The following PKHD1 variants were observed in gnomAD, a reference collection of about 807,000 sequenced individuals.
PKHD1 encodes fibrocystin.
Under a neutral mutation model 412.0 loss-of-function variants are expected in PKHD1, and 291 were observed. That is an observed-to-expected ratio of 0.71 (90% CI 0.64 to 0.78). The LOEUF is 0.78. PKHD1 is among the 30% of genes least tolerant of loss of function. The pLI is 0.00. For missense variants in PKHD1, 4,825 were observed against 4,950.7 expected, an observed-to-expected ratio of 0.97 and a Z score of 0.76; for synonymous variants, 1,777 against 1,821.5, an observed-to-expected ratio of 0.98 and a Z score of 0.62.
chr6:51,807,456 AAAATATATAT>A (rs1763970099), intron 52 of PKHD1, among the ~76,000 whole-genome samples: 1 of 47,182 alleles, frequency 2.1e-5, no homozygotes, highest in African/African-American at 7.4e-5. Flanking sequence ...AAAAAAAAAA[AAAATATATAT>A]ATATATATAT....
chr6:51,692,879 A>G (rs1778346348), intron 60 of PKHD1, among the ~76,000 whole-genome samples: 2 of 152,152 alleles, frequency 1.3e-5, no homozygotes, highest in Admixed American at 6.6e-5. Flanking sequence ...TAATGTTATT[A>G]GAGGCCTTTA....
chr6:51,665,095 C>T (rs914870108), intron 60 of PKHD1, among the ~76,000 whole-genome samples: 7 of 152,062 alleles, frequency 4.6e-5, no homozygotes, highest in East Asian at 1.9e-4. Context: ...AAACATACAA[C>T]GAACAAGATA....
chr6:51,824,990 G>T (rs1222619024), intron 52 of PKHD1, among the ~76,000 whole-genome samples: 2 of 152,110 alleles, frequency 1.3e-5, no homozygotes, highest in African/African-American at 2.4e-5. Flanking sequence ...ATAAAATAAA[G>T]AAACTAAAAC....
At chr6:52,026,276 G>A (rs1330177840) in intron 31 of PKHD1, 95 bp from the exon 32 acceptor site, 1 of 1,175,176 alleles carries the variant, frequency 8.5e-7, no homozygotes, top group Non-Finnish European at 1.3e-6. Flanking sequence ...TTAAGTGGAA[G>A]GTAGGGCATG....
At chr6:52,045,542 C>T (rs552050758) in intron 24 of PKHD1, among the ~76,000 whole-genome samples, 1 of 152,286 alleles carries the variant, frequency 6.6e-6, no homozygotes, top group South Asian at 2.1e-4. Context: ...TCTTGGGCTT[C>T]ATTTTATAAT....
chr6:51,905,449 G>A (rs1417219998), intron 41 of PKHD1, among the ~76,000 whole-genome samples: 1 of 152,168 alleles, frequency 6.6e-6, no homozygotes, highest in African/African-American at 2.4e-5. Flanking sequence ...AGAGAATGTT[G>A]CAAGAGAAGA....
chr6:51,721,594 T>C (rs1781933209), intron 60 of PKHD1: 1 of 1,042,318 alleles, frequency 9.6e-7, no homozygotes, highest in Non-Finnish European at 1.2e-6. Context: ...TCCTCTCTCA[T>C]ATAGTGGGTA....
intron 60 of PKHD1, among the ~76,000 whole-genome samples, chr6:51,692,856 A>G (rs1778343889): frequency 6.6e-6 from 1 of 152,162 alleles, no homozygotes; most frequent in East Asian, 1.9e-4. Context: ...CACTCTGTCA[A>G]CACTATTCTC....
Position 51,615,707 on chromosome 6 carries a change from A to G in PKHD1, c.*3374T>C, listed in dbSNP as rs1766005733. On this transcript the variant is annotated 3_prime_UTR_variant, in exon 67 of 67. Transcript: ENST00000371117. ...TTTGCAGGCATTTCAATGTATAGTA[A>G]TTTCATATATTTGGAGTAAGACTGA... 1 of 152,190 alleles carries G rather than the reference A, an allele frequency of 6.6e-6. No individual in the cohort carries two copies. Among genetic ancestry groups the G allele is most frequent in the Non-Finnish European group, 1.5e-5 (1 of 68,044 alleles). 9.4% of individuals were successfully genotyped at this position (152,190 alleles called of 1,614,324 possible).
At chr6:51,691,759 A>G (rs904831164) in intron 60 of PKHD1, among the ~76,000 whole-genome samples, 6 of 152,186 alleles carry the variant, frequency 3.9e-5, no homozygotes, top group East Asian at 1.9e-4. Context: ...CCCCCATGAC[A>G]TAAGTTTACC....
intron 43 of PKHD1, among the ~76,000 whole-genome samples, chr6:51,888,886 C>T (rs1164560414): frequency 6.6e-6 from 1 of 150,672 alleles, no homozygotes; most frequent in African/African-American, 2.4e-5. Flanking sequence ...TATCAGGCTG[C>T]TGCACTGCAG....
chr6:51,838,870 T>C (rs1456432027), intron 50 of PKHD1, among the ~76,000 whole-genome samples: 1 of 152,152 alleles, frequency 6.6e-6, no homozygotes, highest in Non-Finnish European at 1.5e-5. Context: ...ATACTATCTA[T>C]CTCATATGGC....
In PKHD1 at chr6:51,883,192, G is replaced by T; in HGVS notation, c.7251C>A (p.Phe2417Leu). The T allele has an allele frequency of 1.2e-6, 2 of 1,611,986 alleles. No individual in the cohort carries two copies. Among genetic ancestry groups the T allele is most frequent in the Non-Finnish European group, 1.7e-6 (2 of 1,178,118 alleles). ...FRSSNLRLKN[F>L]KVYSCRDFGI... ...CAAAATCTCTGCATGAATAAACTTT[G>T]AAGTTTTTCAGGCGAAGATTGCTAC... The change falls in exon 46 of 67, where the codon TTC (phenylalanine) becomes TTA (leucine). Residue 2417 changes from phenylalanine to leucine, a missense_variant. Phe to Leu is a conservative substitution (Grantham distance 22). Coordinates refer to ENST00000371117, the MANE Select transcript of PKHD1 (RefSeq NM_138694.4).
At chr6:51,988,972 C>T (rs1380117597) in intron 35 of PKHD1, among the ~76,000 whole-genome samples, 1 of 152,222 alleles carries the variant, frequency 6.6e-6, no homozygotes, top group Non-Finnish European at 1.5e-5. Flanking sequence ...AGGCCAGGGG[C>T]TCACATTGTT....
chr6:51,623,662 C>T (rs951543731), intron 66 of PKHD1, among the ~76,000 whole-genome samples: 13 of 152,116 alleles, frequency 8.5e-5, no homozygotes, highest in Non-Finnish European at 5.9e-5. Flanking sequence ...TGGCCCACTG[C>T]GCCCTCCACC....
chr6:51,665,864 G>T (rs1306551519), intron 60 of PKHD1, among the ~76,000 whole-genome samples: 1 of 152,140 alleles, frequency 6.6e-6, no homozygotes, highest in East Asian at 1.9e-4. Flanking sequence ...TCTTAAATAA[G>T]ATGGGATTGG....
intron 35 of PKHD1, among the ~76,000 whole-genome samples, chr6:51,989,925 AAG>A (rs1796742009): frequency 1.9e-5 from 2 of 106,616 alleles, no homozygotes; most frequent in Admixed American, 9.5e-5. Context: ...GGAAGGAAGG[AAG>A]GAAGGAAAGA....
intron 36 of PKHD1, among the ~76,000 whole-genome samples, chr6:51,955,087 T>C (rs1790908214): frequency 6.6e-6 from 1 of 152,076 alleles, no homozygotes; most frequent in Non-Finnish European, 1.5e-5. Context: ...CATAAAAGAA[T>C]GAAAATATAA....
intron 35 of PKHD1, among the ~76,000 whole-genome samples, chr6:51,970,471 T>C (rs1024846799): frequency 3.3e-5 from 5 of 152,224 alleles, no homozygotes; most frequent in African/African-American, 1.2e-4. Flanking sequence ...CCCACTTGCT[T>C]ATTTTTGGTT....
Sources: gnomAD v4.1 joint callset for allele counts (sites outside exome capture counted in the v4.1 genomes callset) on GRCh38, gnomAD v4.1.1 for gene constraint, MANE v1.5 for transcripts, NCBI Gene and HGNC (gene_info 2026-07-23, HGNC 2026-07-21) for gene names.